TMEM245: variants seen among roughly 807,000 people sequenced by gnomAD.
The protein encoded by TMEM245 is transmembrane protein 245.
A neutral mutation model predicts 101.2 loss-of-function variants in TMEM245; 69 were observed. The ratio of observed to expected loss-of-function variants is 0.68; its 90% confidence interval spans 0.56 to 0.83. TMEM245 has a LOEUF of 0.83. TMEM245 is among the 40% of genes least tolerant of loss of function. The pLI is 0.00. For synonymous variants in TMEM245, 537 were observed against 449.8 expected, an observed-to-expected ratio of 1.19 and a Z score of -2.45; for missense variants, 1,075 against 1,092.8, an observed-to-expected ratio of 0.98 and a Z score of 0.23.
chr9:109,091,199 T>C lies in TMEM245; in HGVS notation c.917-44A>G, dbSNP rs570242747. ...ACACCACACACCGCATTAGTCCACA[T>C]GAGGAAATGGGAATACAGAGCCACT... On this transcript the variant is annotated intron_variant, in intron 4 of 17. Coordinates refer to ENST00000374586, the MANE Select transcript of TMEM245 (RefSeq NM_032012.4). 3.7e-4 allele frequency: 570 copies of C among 1,538,212 alleles called. 6 individuals are homozygous for C. In the South Asian group the frequency reaches 6.1e-3, roughly 16 times the overall value.
chr9:109,080,788 A>C (rs756608052), intron 8 of TMEM245, 51 bp downstream of exon 8: 1 of 1,190,226 alleles, frequency 8.4e-7, no homozygotes, highest in East Asian at 2.4e-5. Context: ...CCAGACTACA[A>C]TTCTAACAAT....
At chr9:109,050,545 C>T (rs614253) in intron 13 of TMEM245, 25 bp downstream of exon 13, 1,520,421 of 1,613,760 alleles carry the variant, frequency 0.94, 716,693 homozygotes, top group East Asian at 1. Context: ...GGAAATATGA[C>T]GTGTACTTAT....
At chr9:109,047,662 CAA>C (rs1037574647) in intron 14 of TMEM245, among the ~76,000 whole-genome samples, 2 of 152,098 alleles carry the variant, frequency 1.3e-5, no homozygotes, top group African/African-American at 4.8e-5. Context: ...GAAAGCAGAA[CAA>C]GAGAAAATTC....
At chr9:109,052,403 C>A (rs1828712668) in intron 12 of TMEM245, among the ~76,000 whole-genome samples, 1 of 152,234 alleles carries the variant, frequency 6.6e-6, no homozygotes, top group African/African-American at 2.4e-5. Flanking sequence ...TGTTGTGGGG[C>A]AGAACTCACA....
intron 14 of TMEM245, among the ~76,000 whole-genome samples, chr9:109,039,889 G>A (rs968076588): frequency 3.3e-5 from 5 of 151,752 alleles, no homozygotes; most frequent in Admixed American, 2.6e-4. Context: ...GAACTAGGGA[G>A]GTCAATGAGG....
At chr9:109,108,141 G>A (rs1334148788) in intron 2 of TMEM245, among the ~76,000 whole-genome samples, 1 of 151,878 alleles carries the variant, frequency 6.6e-6, no homozygotes. Context: ...ACCTCTTATC[G>A]TTGACTGCTT....
chr9:109,029,190 AAGAG>A (rs1827878118), intron 17 of TMEM245, among the ~76,000 whole-genome samples: 1 of 152,208 alleles, frequency 6.6e-6, no homozygotes, highest in Non-Finnish European at 1.5e-5. Flanking sequence ...CAAGTGAAAA[AAGAG>A]AGAAAGGATG....
chr9:109,077,584 A>T (rs1829547998), intron 8 of TMEM245, among the ~76,000 whole-genome samples: 1 of 152,218 alleles, frequency 6.6e-6, no homozygotes, highest in South Asian at 2.1e-4. Context: ...GTTGGATTTC[A>T]TGTATTTTAG....
At chr9:109,053,236 GCC>G (rs1828738079) in intron 12 of TMEM245, among the ~76,000 whole-genome samples, 1 of 152,136 alleles carries the variant, frequency 6.6e-6, no homozygotes, top group Non-Finnish European at 1.5e-5. Context: ...GACCAGCCTG[GCC>G]AACATGGTGA....
intron 1 of TMEM245, among the ~76,000 whole-genome samples, chr9:109,110,657 A>AT (rs1830544768): frequency 6.6e-6 from 1 of 152,184 alleles, no homozygotes; most frequent in Admixed American, 6.5e-5. Flanking sequence ...CACTTAGATG[A>AT]AAGACTAGAG....
intron 10 of TMEM245, among the ~76,000 whole-genome samples, chr9:109,061,040 C>T (rs909926191): frequency 6.6e-6 from 1 of 152,122 alleles, no homozygotes; most frequent in African/African-American, 2.4e-5. Flanking sequence ...TTATTAAAAC[C>T]ATATTATAAT....
intron 17 of TMEM245, among the ~76,000 whole-genome samples, chr9:109,021,795 C>G (rs922538002): frequency 3.3e-5 from 5 of 152,012 alleles, no homozygotes; most frequent in African/African-American, 1.2e-4. Flanking sequence ...AAAATGAGAC[C>G]CTGCACCACC....
chr9:109,078,740 T>C (rs12551951), intron 8 of TMEM245, among the ~76,000 whole-genome samples: 2 of 152,254 alleles, frequency 1.3e-5, no homozygotes, highest in Admixed American at 1.3e-4. Flanking sequence ...TGTGTATGCT[T>C]ATTCTACTGA....
intron 3 of TMEM245, among the ~76,000 whole-genome samples, chr9:109,105,963 G>C (rs917189295): frequency 2.0e-5 from 3 of 152,064 alleles, no homozygotes; most frequent in African/African-American, 7.2e-5. Context: ...TAGTAGAGAC[G>C]GGGTTTCACC....
chr9:109,095,308 A>T (rs1830110143), intron 3 of TMEM245, among the ~76,000 whole-genome samples: 1 of 152,206 alleles, frequency 6.6e-6, no homozygotes, highest in African/African-American at 2.4e-5. Flanking sequence ...AAAGACACAG[A>T]CCCTGCCCCC....
intron 17 of TMEM245, among the ~76,000 whole-genome samples, chr9:109,023,864 T>TGCAGAATG (rs1317084346): frequency 6.7e-6 from 1 of 149,802 alleles, no homozygotes; most frequent in Non-Finnish European, 1.5e-5. Context: ...GAATAAGCAA[T>TGCAGAATG]GCAGAATGGG....
At chr9:109,039,895 T>C (rs1828252708) in intron 14 of TMEM245, among the ~76,000 whole-genome samples, 1 of 151,578 alleles carries the variant, frequency 6.6e-6, no homozygotes, top group Admixed American at 6.6e-5. Flanking sequence ...GGGAGGTCAA[T>C]GAGGAAAAGA....
intron 9 of TMEM245, among the ~76,000 whole-genome samples, chr9:109,067,652 G>A (rs1354990404): frequency 6.6e-6 from 1 of 152,164 alleles, no homozygotes; most frequent in African/African-American, 2.4e-5. Flanking sequence ...AGACAAGTCA[G>A]GAGAAAGCAG....
chr9:109,096,782 A>T (rs935655578), intron 3 of TMEM245, among the ~76,000 whole-genome samples: 4 of 152,256 alleles, frequency 2.6e-5, no homozygotes, highest in Admixed American at 1.3e-4. Flanking sequence ...CTTCAAAAGT[A>T]ATTTAATTAA....
Sources: gnomAD v4.1 joint callset for allele counts (sites outside exome capture counted in the v4.1 genomes callset) on GRCh38, gnomAD v4.1.1 for gene constraint, MANE v1.5 for transcripts, NCBI Gene and HGNC (gene_info 2026-07-23, HGNC 2026-07-21) for gene names.